Variants in MTUS1 observed in about 807,000 individuals in gnomAD.
MTUS1 encodes microtubule associated scaffold protein 1.
A neutral mutation model predicts 120.8 loss-of-function variants in MTUS1; 109 were observed. The observed-to-expected ratio is 0.90, with a 90% CI of 0.77 to 1.06. The LOEUF is 1.06. Among genes scored for constraint, MTUS1 ranks in the 50% least tolerant of loss-of-function variants. The pLI is 0.00. For synonymous variants in MTUS1, 737 were observed against 550.5 expected (o/e 1.34, Z -4.74); for missense variants, 2,210 against 1,486.3 (o/e 1.49, Z -8.01).
rs144516099 is a variant in MTUS1, at chr8:17,697,452, C to G, written c.2624-12910G>C. ...CTGTCACATACTGTCTTTTTAAACT[C>G]AGTACTCTTCAAGGCCAAGAAATAC... On this transcript the variant is annotated intron_variant, in intron 6 of 14. Transcript: ENST00000693296. The G allele has an allele frequency of 7.7e-5, 120 of 1,558,058 alleles. No homozygotes were observed. In the African/African-American group the frequency reaches 1.4e-3, roughly 18 times the overall value.
intron 6 of MTUS1, among the ~76,000 whole-genome samples, chr8:17,691,741 T>C (rs1257999631): frequency 6.6e-6 from 1 of 152,226 alleles, no homozygotes; most frequent in African/African-American, 2.4e-5. Context: ...ATGGCTTCAT[T>C]GACGTCTACA....
intron 8 of MTUS1, among the ~76,000 whole-genome samples, chr8:17,673,652 G>C (rs1051004619): frequency 6.6e-6 from 1 of 152,046 alleles, no homozygotes; most frequent in Non-Finnish European, 1.5e-5. Flanking sequence ...TCAGGGTCTT[G>C]CTATATTGCT....
intron 7 of MTUS1, 103 bp downstream of exon 7, chr8:17,684,225 C>T (rs777138510): frequency 1.4e-4 from 113 of 803,160 alleles, no homozygotes; most frequent in Non-Finnish European, 2.1e-4. Context: ...CTGATCTTTC[C>T]CATCATTTAC....
chr8:17,651,998 G>C (rs1807104163), intron 12 of MTUS1, among the ~76,000 whole-genome samples: 1 of 152,068 alleles, frequency 6.6e-6, no homozygotes, highest in African/African-American at 2.4e-5. Context: ...TTATCAAATA[G>C]CTAGAGGGTC....
At chr8:17,650,793 G>GC (rs1806816462) in intron 12 of MTUS1, among the ~76,000 whole-genome samples, 1 of 152,122 alleles carries the variant, frequency 6.6e-6, no homozygotes, top group African/African-American at 2.4e-5. Context: ...TCCCACCACC[G>GC]CCCACCCACT....
intron 2 of MTUS1, among the ~76,000 whole-genome samples, chr8:17,747,388 C>T (rs997662879): frequency 1.3e-5 from 2 of 152,146 alleles, no homozygotes; most frequent in Non-Finnish European, 2.9e-5. Context: ...ATCTTGTTCC[C>T]CCTCCTGCAG....
Position 17,715,814 on chromosome 8 carries a change from G to C in MTUS1, c.2537C>G (p.Pro846Arg), listed in dbSNP as rs1254627683. The change falls in exon 5 of 15, where the codon CCT becomes CGT. Residue 846 changes from proline (P) to arginine (R), a missense_variant. Transcript: ENST00000693296. ...NGSSGSFYLK[P>R]LVSRAHVHLM... ...GTGAACATGAGCCCTGGATACCAAA[G>C]GCTTCAAATAAAAGGATCCTGAGGA... The C allele has an allele frequency of 1.2e-6, 2 of 1,614,050 alleles. No homozygotes were observed. The highest frequency in any genetic ancestry group is 1.7e-6 in the Non-Finnish European group (2 of 1,179,990).
chr8:17,719,386 C>A (rs1822964958), intron 4 of MTUS1, among the ~76,000 whole-genome samples: 1 of 152,176 alleles, frequency 6.6e-6, no homozygotes, highest in African/African-American at 2.4e-5. Context: ...CAAAGTACTA[C>A]TGAAATCTAA....
At chr8:17,718,797 G>A (rs1031521190) in intron 4 of MTUS1, among the ~76,000 whole-genome samples, 1 of 151,600 alleles carries the variant, frequency 6.6e-6, no homozygotes, top group South Asian at 2.1e-4. Flanking sequence ...TGAAATAAAG[G>A]AGCTGGTGAG....
intron 1 of MTUS1, among the ~76,000 whole-genome samples, chr8:17,773,999 C>T (rs2050209018): frequency 6.6e-6 from 1 of 152,200 alleles, no homozygotes; most frequent in South Asian, 2.1e-4. Context: ...GCAGCCCTCA[C>T]ATCTACATTC....
rs193183987 is a variant in MTUS1 at position 17,678,355 on chromosome 8, C to G, written c.2839-3103G>C. ...TTGTATTGTAACATGCAGAATTACACACAATGTGAAAAAAGAGAAAGGTGG... is the reference window on the plus strand; with the variant it reads ...TTGTATTGTAACATGCAGAATTACAGACAATGTGAAAAAAGAGAAAGGTGG... On this transcript the variant is annotated intron_variant, in intron 7 of 14. Transcript: ENST00000693296. 2.3e-3 allele frequency among the ~76,000 whole-genome samples: 298 copies of G among 127,430 alleles called. 4 individuals are homozygous for G. Among genetic ancestry groups the G allele is most frequent in the African/African-American group, 7.7e-3 (291 of 38,034 alleles). The allele number at this position is 127,430 out of a possible 152,430, so 83.6% of individuals were successfully genotyped here.
At chr8:17,787,647 G>A (rs1269467851) in intron 1 of MTUS1, among the ~76,000 whole-genome samples, 2 of 152,172 alleles carry the variant, frequency 1.3e-5, no homozygotes, top group Non-Finnish European at 2.9e-5. Context: ...TTTCCTCATG[G>A]ACAAAAACTG....
At chr8:17,777,446 G>T (rs946492142) in intron 1 of MTUS1, among the ~76,000 whole-genome samples, 1 of 115,622 alleles carries the variant, frequency 8.6e-6, no homozygotes, top group African/African-American at 3.4e-5. Context: ...CTCAAAAAAA[G>T]AAAAAGAAAA....
At chr8:17,761,400 A>G (rs1013092502) in intron 1 of MTUS1, among the ~76,000 whole-genome samples, 1 of 152,216 alleles carries the variant, frequency 6.6e-6, no homozygotes. Flanking sequence ...TTAATGCTAG[A>G]AGAAATTTTA....
intron 2 of MTUS1, chr8:17,747,994 C>T (rs2047899175): frequency 6.6e-6 from 1 of 152,184 alleles, no homozygotes; most frequent in Admixed American, 6.5e-5. Context: ...ATGGCAAAGA[C>T]CTGCCCCCCC....
In MTUS1 at chr8:17,645,772, A is replaced by C; in HGVS notation, c.*154T>G. 1 of 968,580 alleles carries C rather than the reference A, an allele frequency of 1.0e-6. No individual in the cohort carries two copies. Among genetic ancestry groups the C allele is most frequent in the Non-Finnish European group, 1.4e-6 (1 of 701,370 alleles). The allele number at this position is 968,580 out of a possible 1,614,324, so 60.0% of individuals were successfully genotyped here. ...AGTCTTCCTCCAGAGTTCCAGTCTC[A>C]GAAGCTGCGATTCCGCCGGTGGTGA... On this transcript the variant is annotated 3_prime_UTR_variant, in exon 15 of 15. Coordinates refer to ENST00000693296, the MANE Select transcript of MTUS1 (RefSeq NM_001363059.2).
chr8:17,648,492 C>G (rs1402324378), intron 13 of MTUS1, among the ~76,000 whole-genome samples: 1 of 152,204 alleles, frequency 6.6e-6, no homozygotes, highest in Non-Finnish European at 1.5e-5. Flanking sequence ...TGAGTCATCC[C>G]TGACTACCAG....
chr8:17,759,186 G>A (rs1356932931), intron 1 of MTUS1, among the ~76,000 whole-genome samples: 1 of 151,998 alleles, frequency 6.6e-6, no homozygotes, highest in South Asian at 2.1e-4. Context: ...CGGCCCCAAG[G>A]TTATTTTTTA....
intron 6 of MTUS1, among the ~76,000 whole-genome samples, chr8:17,698,072 C>T (rs1818327966): frequency 6.6e-6 from 1 of 151,946 alleles, no homozygotes; most frequent in Admixed American, 6.6e-5. Context: ...GACAGATTGT[C>T]AAAAGGTTAA....
Sources: allele counts gnomAD v4.1 joint callset (sites outside exome capture counted in the v4.1 genomes callset), GRCh38; gene constraint gnomAD v4.1.1; transcripts MANE v1.5; gene names NCBI Gene and HGNC (gene_info 2026-07-23, HGNC 2026-07-21).